Variants in FRMPD1 observed in about 807,000 individuals in gnomAD.
FRMPD1 encodes FERM and PDZ domain-containing protein 1.
A neutral mutation model predicts 117.8 loss-of-function variants in FRMPD1; 76 were observed. The observed-to-expected ratio is 0.65, with a 90% CI of 0.54 to 0.78. The LOEUF is 0.78. Ranked by LOEUF, FRMPD1 falls within the 30% of genes least tolerant of loss-of-function variation. The probability of loss-of-function intolerance (pLI) is 0.00; values close to 1 mark genes in which losing one functional copy is unlikely to be tolerated. For missense variants in FRMPD1, 1,786 were observed against 1,964.5 expected, an observed-to-expected ratio of 0.91 and a Z score of 1.72; for synonymous variants, 783 against 770.4, an observed-to-expected ratio of 1.02 and a Z score of -0.27.
intron 1 of FRMPD1, among the ~76,000 whole-genome samples, chr9:37,659,771 C>A (rs1026592441): frequency 6.6e-6 from 1 of 151,988 alleles, no homozygotes; most frequent in Non-Finnish European, 1.5e-5. Context: ...TACAACTAGC[C>A]TGTTTCAGAA....
At chr9:37,717,302 A>T (rs192538274) in intron 5 of FRMPD1, among the ~76,000 whole-genome samples, 2,653 of 144,834 alleles carry the variant, frequency 0.018, 77 homozygotes, top group African/African-American at 0.058. Context: ...AGAAAAAAAA[A>T]ATATATATAT....
intron 1 of FRMPD1, among the ~76,000 whole-genome samples, chr9:37,675,416 C>CT (rs1289058510): frequency 1.8e-5 from 2 of 110,246 alleles, no homozygotes; most frequent in South Asian, 2.9e-4. Context: ...GTGAGACTGT[C>CT]TAAAAAAAAA....
At chr9:37,662,398 T>C (rs531198771) in intron 1 of FRMPD1, among the ~76,000 whole-genome samples, 1 of 152,164 alleles carries the variant, frequency 6.6e-6, no homozygotes, top group Non-Finnish European at 1.5e-5. Context: ...CATTCATTAT[T>C]TGGAAAGTGA....
At chr9:37,610,628 C>A in the FRMPD1 span, among the ~76,000 whole-genome samples, 1 of 138,958 alleles carries the variant, frequency 7.2e-6, no homozygotes, top group Non-Finnish European at 1.5e-5. Context: ...GCGTTTCTCT[C>A]TTGTTGCCCA....
the FRMPD1 span, among the ~76,000 whole-genome samples, chr9:37,633,016 A>ATT: frequency 9.3e-5 from 3 of 32,370 alleles, no homozygotes; most frequent in East Asian, 1.1e-3. Flanking sequence ...TTCTACATAT[A>ATT]TTATATATAT....
Position 37,660,647 on chromosome 9 carries a change from A to G in FRMPD1, c.-5+9553A>G, listed in dbSNP as rs1367018095. 2.6e-5 allele frequency among the ~76,000 whole-genome samples: 4 copies of G among 152,218 alleles called. No individual in the cohort carries two copies. In the East Asian group the frequency reaches 7.7e-4, roughly 29 times the overall value. ...GCTTGTTTGGTATAGCCACTTCAAA[A>G]TATCCCCACATCAAAATATGATGCT... On this transcript the variant is annotated intron_variant, in intron 1 of 15. Transcript: ENST00000377765.
chr9:37,716,936 C>T (rs899951735), intron 5 of FRMPD1, among the ~76,000 whole-genome samples: 1 of 152,140 alleles, frequency 6.6e-6, no homozygotes, highest in Non-Finnish European at 1.5e-5. Context: ...GGCAAGTTCA[C>T]TCTCTGGGGC....
intron 1 of FRMPD1, among the ~76,000 whole-genome samples, chr9:37,676,056 C>T (rs1040843808): frequency 6.6e-6 from 1 of 152,220 alleles, no homozygotes; most frequent in Non-Finnish European, 1.5e-5. Context: ...AACCCAGCAT[C>T]CATCAGATCA....
At chr9:37,730,442 A>G (rs1823819893) in intron 8 of FRMPD1, among the ~76,000 whole-genome samples, 1 of 152,152 alleles carries the variant, frequency 6.6e-6, no homozygotes, top group Non-Finnish European at 1.5e-5. Context: ...GTAATACATA[A>G]CCTCATAAAA....
the FRMPD1 span, among the ~76,000 whole-genome samples, chr9:37,611,029 G>C: frequency 6.6e-6 from 1 of 152,188 alleles, no homozygotes; most frequent in East Asian, 1.9e-4. Context: ...TAATGCTGCA[G>C]TTAATACCTT....
intron 2 of FRMPD1, 28 bp downstream of exon 2, chr9:37,692,770 G>T (rs1274939930): frequency 6.7e-7 from 1 of 1,483,020 alleles, no homozygotes; most frequent in Admixed American, 1.7e-5. Context: ...GCAGATTTCT[G>T]TCTATAAAGG....
the FRMPD1 span, among the ~76,000 whole-genome samples, chr9:37,611,611 AGAG>A: frequency 6.6e-6 from 1 of 152,208 alleles, no homozygotes; most frequent in African/African-American, 2.4e-5. Context: ...ATTGGTTCTA[AGAG>A]GATTTGGAGC....
intron 7 of FRMPD1, among the ~76,000 whole-genome samples, chr9:37,728,485 A>G (rs1823712980): frequency 6.6e-6 from 1 of 152,234 alleles, no homozygotes; most frequent in South Asian, 2.1e-4. Context: ...AGGGAACAGC[A>G]TGTGCGAATG....
intron 1 of FRMPD1, among the ~76,000 whole-genome samples, chr9:37,660,812 G>A (rs527411589): frequency 7.4e-4 from 112 of 152,302 alleles, no homozygotes; most frequent in African/African-American, 2.6e-3. Flanking sequence ...TCCTGGGCAG[G>A]GACCGAGCCT....
chr9:37,716,825 T>A (rs912405842), intron 5 of FRMPD1, among the ~76,000 whole-genome samples: 3 of 152,178 alleles, frequency 2.0e-5, no homozygotes, highest in Non-Finnish European at 1.5e-5. Context: ...CTTAAGTTTC[T>A]CATGCACCCT....
chr9:37,742,387 GTTTTGT>G (rs745313737), intron 15 of FRMPD1, among the ~76,000 whole-genome samples: 3 of 152,182 alleles, frequency 2.0e-5, no homozygotes, highest in Non-Finnish European at 2.9e-5. Flanking sequence ...ACCAGACACT[GTTTTGT>G]TTTTGTTTTT....
chr9:37,638,409 G>A, the FRMPD1 span, among the ~76,000 whole-genome samples: 46 of 152,232 alleles, frequency 3.0e-4, no homozygotes, highest in Non-Finnish European at 4.9e-4. Context: ...TTGCGTTATG[G>A]GTAGTCCATG....
At chr9:37,729,531 A>T (rs1350019485) in intron 7 of FRMPD1, among the ~76,000 whole-genome samples, 197 bp from the exon 8 acceptor site, 1 of 151,772 alleles carries the variant, frequency 6.6e-6, no homozygotes, top group Non-Finnish European at 1.5e-5. Flanking sequence ...ATGGATGGTG[A>T]TGGAGCTTGA....
At chr9:37,605,219 G>T in the FRMPD1 span, among the ~76,000 whole-genome samples, 1 of 152,346 alleles carries the variant, frequency 6.6e-6, no homozygotes, top group East Asian at 1.9e-4. Context: ...ATGGAACCCA[G>T]CAGACTCAGC....
Sources: allele counts gnomAD v4.1 joint callset (sites outside exome capture counted in the v4.1 genomes callset), GRCh38; gene constraint gnomAD v4.1.1; transcripts MANE v1.5; gene names NCBI Gene and HGNC (gene_info 2026-07-23, HGNC 2026-07-21).